CMIP: variants seen among roughly 807,000 people sequenced by gnomAD.
The protein encoded by CMIP is C-Maf-inducing protein.
Under a neutral mutation model 97.3 loss-of-function variants are expected in CMIP, and 13 were observed. That is an observed-to-expected ratio of 0.13 (90% CI 0.09 to 0.21). The LOEUF is 0.21. Ranked by LOEUF, CMIP falls within the 10% of genes least tolerant of loss-of-function variation. The pLI is 1.00. For missense variants in CMIP, 847 were observed against 1,024.9 expected, an observed-to-expected ratio of 0.83 and a Z score of 2.37; for synonymous variants, 538 against 436.3, an observed-to-expected ratio of 1.23 and a Z score of -2.91.
intron 1 of CMIP, chr16:81,518,018 C>A: frequency 4.3e-6 from 2 of 465,660 alleles, no homozygotes; most frequent in Non-Finnish European, 5.6e-6. Flanking sequence ...ACTTCTCATG[C>A]CCCCATGGTT....
chr16:81,620,629 T>C (rs1761129612), intron 2 of CMIP: 2 of 480,342 alleles, frequency 4.2e-6, no homozygotes, highest in South Asian at 4.6e-5. Context: ...AAGTCACTCA[T>C]ATACAGCAAA....
intron 1 of CMIP, among the ~76,000 whole-genome samples, chr16:81,572,887 C>T (rs890177243): frequency 1.3e-5 from 2 of 152,224 alleles, no homozygotes; most frequent in African/African-American, 4.8e-5. Flanking sequence ...CTCCCAGGAA[C>T]CCCCTCCGTC....
In CMIP at chr16:81,652,626, C is replaced by G. The variant is rs1471314125; in HGVS notation, c.639+262C>G. 6.6e-6 allele frequency among the ~76,000 whole-genome samples: 1 copy of G among 152,146 alleles called. No homozygotes were observed. The highest frequency in any genetic ancestry group is 1.5e-5 in the Non-Finnish European group (1 of 68,024). Reference sequence around the variant, plus strand: ...GCCCCGTGCAGTGAGAGCCAGTAGTCCCATCCCCATCTCTGTCTTCCCCTA... The same window carrying G: ...GCCCCGTGCAGTGAGAGCCAGTAGTGCCATCCCCATCTCTGTCTTCCCCTA... On this transcript the variant is annotated intron_variant, in intron 4 of 20. Transcript: ENST00000537098. The surrounding 1 kb of genome is among the most constrained non-coding windows in gnomAD (Gnocchi z 5.2).
intron 1 of CMIP, among the ~76,000 whole-genome samples, chr16:81,451,428 C>T (rs1906207579): frequency 6.6e-6 from 1 of 152,218 alleles, no homozygotes; most frequent in Non-Finnish European, 1.5e-5. Flanking sequence ...TGCCCAGTCT[C>T]AGGTATGTCT....
intron 10 of CMIP, among the ~76,000 whole-genome samples, chr16:81,690,953 G>GA (rs1297249031): frequency 1.3e-5 from 2 of 151,280 alleles, no homozygotes; most frequent in African/African-American, 2.4e-5. Context: ...TTTAGAAAAA[G>GA]AAAAAAAAGG....
chr16:81,540,414 T>A (rs2090426237), intron 1 of CMIP, among the ~76,000 whole-genome samples: 1 of 152,132 alleles, frequency 6.6e-6, no homozygotes, highest in African/African-American at 2.4e-5. Context: ...GTGATTCTCC[T>A]GCCTCAGCCT....
At chr16:81,625,308 A>G (rs982086674) in intron 3 of CMIP, among the ~76,000 whole-genome samples, 2 of 152,270 alleles carry the variant, frequency 1.3e-5, no homozygotes, top group African/African-American at 2.4e-5. Flanking sequence ...TGGGGAGGCC[A>G]GCCCTGTTTG....
intron 1 of CMIP, among the ~76,000 whole-genome samples, chr16:81,564,772 A>T (rs57650666): frequency 1.3e-5 from 2 of 152,192 alleles, no homozygotes; most frequent in African/African-American, 4.8e-5. Context: ...TCGGGCACAC[A>T]ATAGGTGTTC....
intron 1 of CMIP, among the ~76,000 whole-genome samples, chr16:81,521,557 C>T (rs538321066): frequency 9.9e-5 from 15 of 152,228 alleles, no homozygotes; most frequent in Admixed American, 3.3e-4. Context: ...TCTAAGGGTG[C>T]GTCACCTGAG....
intron 1 of CMIP, among the ~76,000 whole-genome samples, chr16:81,557,347 CTGATGTTGGT>C (rs2090785064): frequency 1.5e-5 from 2 of 130,076 alleles, no homozygotes; most frequent in African/African-American, 2.8e-5. Flanking sequence ...GTTGAATTTA[CTGATGTTGGT>C]TGAATTCACT....
chr16:81,685,487 T>G (rs1429092859), intron 10 of CMIP, among the ~76,000 whole-genome samples: 4 of 152,194 alleles, frequency 2.6e-5, no homozygotes, highest in African/African-American at 9.7e-5. Context: ...CTTAGAGTTC[T>G]GCATTTCATG....
intron 1 of CMIP, among the ~76,000 whole-genome samples, chr16:81,533,640 A>G (rs2927318): frequency 0.36 from 54,432 of 151,864 alleles, 10,094 homozygotes; most frequent in East Asian, 0.45. Flanking sequence ...CGCCATGCCC[A>G]GCTAATTTTT....
intron 1 of CMIP, among the ~76,000 whole-genome samples, chr16:81,544,775 G>T (rs1423515645): frequency 1.3e-5 from 2 of 152,068 alleles, no homozygotes; most frequent in East Asian, 3.8e-4. Context: ...AGTGTTGCGT[G>T]TGTGCACGTG....
intron 1 of CMIP, among the ~76,000 whole-genome samples, chr16:81,599,854 C>T (rs1463085325): frequency 6.6e-6 from 1 of 152,176 alleles, no homozygotes; most frequent in Non-Finnish European, 1.5e-5. Flanking sequence ...ATATATAAAG[C>T]TCTTAGCATG....
At chr16:81,446,555 G>A (rs551454893) in intron 1 of CMIP, among the ~76,000 whole-genome samples, 1 of 152,128 alleles carries the variant, frequency 6.6e-6, no homozygotes, top group East Asian at 1.9e-4. Flanking sequence ...TCCTCATTGG[G>A]GGTGTAGCTT....
chr16:81,494,259 C>G (rs948075223), intron 1 of CMIP, among the ~76,000 whole-genome samples: 1 of 152,190 alleles, frequency 6.6e-6, no homozygotes, highest in Non-Finnish European at 1.5e-5. Context: ...CTTCCCCTCT[C>G]GGTTGCCAGC....
chr16:81,569,706 T>C (rs1425818749), intron 1 of CMIP, among the ~76,000 whole-genome samples: 1 of 152,228 alleles, frequency 6.6e-6, no homozygotes, highest in Non-Finnish European at 1.5e-5. Context: ...TTGGAAAAGA[T>C]GGGCACAGTT....
chr16:81,633,245 G>A (rs577332106), intron 3 of CMIP, among the ~76,000 whole-genome samples: 35 of 152,346 alleles, frequency 2.3e-4, no homozygotes, highest in Admixed American at 2.3e-3. Flanking sequence ...CTCTTTCACA[G>A]CCAGTGGTGG....
intron 1 of CMIP, among the ~76,000 whole-genome samples, chr16:81,572,337 C>G (rs189489691): frequency 1.3e-5 from 2 of 152,334 alleles, no homozygotes; most frequent in Admixed American, 6.5e-5. Flanking sequence ...TGTGAATGAA[C>G]GCGGTCGCTC....
Sources: gnomAD v4.1 joint callset for allele counts (sites outside exome capture counted in the v4.1 genomes callset) on GRCh38, gnomAD v4.1.1 for gene constraint, Gnocchi (gnomAD v3.1) non-coding constraint, MANE v1.5 for transcripts, NCBI Gene and HGNC (gene_info 2026-07-23, HGNC 2026-07-21) for gene names.